TMEM131: variants seen among roughly 807,000 people sequenced by gnomAD.
The protein encoded by TMEM131 is transmembrane protein 131.
In TMEM131, 66 loss-of-function variants were observed where a neutral mutation model predicts 211.6. That is an observed-to-expected ratio of 0.31 (90% CI 0.26 to 0.38). The LOEUF (loss-of-function observed/expected upper bound fraction) is 0.38, where lower values mean the gene tolerates loss of function less well. TMEM131 is among the 10% of genes least tolerant of loss of function. The pLI is 1.00. For missense variants in TMEM131, 2,036 were observed against 2,299.3 expected (o/e 0.89, Z 2.34); for synonymous variants, 844 against 841.3 (o/e 1.00, Z -0.06).
At chr2:97,896,868 T>G in intron 3 of TMEM131, among the ~76,000 whole-genome samples, 1 of 148,174 alleles carries the variant, frequency 6.7e-6, no homozygotes. Flanking sequence ...TATCAATTTC[T>G]AAAAAAAAAA....
chr2:97,963,084 C>T (rs1180414154), intron 1 of TMEM131, among the ~76,000 whole-genome samples: 1 of 152,154 alleles, frequency 6.6e-6, no homozygotes, highest in African/African-American at 2.4e-5. Flanking sequence ...TAAGATGGTG[C>T]CATTTTCACA....
intron 31 of TMEM131, among the ~76,000 whole-genome samples, chr2:97,790,653 G>T (rs1680459735): frequency 6.6e-6 from 1 of 152,352 alleles, no homozygotes; most frequent in East Asian, 1.9e-4. Flanking sequence ...TTTGTGATAA[G>T]AAAGGATAAT....
At chr2:97,968,163 T>C (rs1268234725) in intron 1 of TMEM131, among the ~76,000 whole-genome samples, 3 of 152,108 alleles carry the variant, frequency 2.0e-5, no homozygotes, top group African/African-American at 7.2e-5. Context: ...TCATTATCTT[T>C]CTACACCCAG....
At chr2:97,795,609 G>A (rs1194050074) in intron 28 of TMEM131, among the ~76,000 whole-genome samples, 2 of 151,972 alleles carry the variant, frequency 1.3e-5, no homozygotes, top group African/African-American at 4.8e-5. Context: ...GCATCTTTAG[G>A]TGTCAAACAT....
intron 24 of TMEM131, 39 bp from the exon 25 acceptor site, chr2:97,802,000 C>T: frequency 1.4e-6 from 2 of 1,411,414 alleles, no homozygotes; most frequent in South Asian, 1.2e-5. Context: ...TCATAAGCAA[C>T]ATCACAGTTA....
At chr2:97,766,028 C>A in intron 35 of TMEM131, 86 bp downstream of exon 35, 1 of 1,527,644 alleles carries the variant, frequency 6.5e-7, no homozygotes, top group African/African-American at 1.4e-5. Context: ...TATTTTAAAG[C>A]AACATGCCCC....
At chr2:97,836,033 A>G (rs1682925656) in intron 8 of TMEM131, among the ~76,000 whole-genome samples, 1 of 152,218 alleles carries the variant, frequency 6.6e-6, no homozygotes. Flanking sequence ...TACAGATATA[A>G]TAGTCTGAAT....
intron 3 of TMEM131, among the ~76,000 whole-genome samples, chr2:97,894,413 G>C (rs1302133509): frequency 6.6e-6 from 1 of 152,110 alleles, no homozygotes; most frequent in Non-Finnish European, 1.5e-5. Flanking sequence ...TCAATTCTGT[G>C]AAGAAAAGTC....
chr2:97,768,456 GT>G (rs996021345), intron 33 of TMEM131, among the ~76,000 whole-genome samples: 3 of 149,184 alleles, frequency 2.0e-5, no homozygotes, highest in Non-Finnish European at 4.5e-5. Flanking sequence ...AAAGTAATTG[GT>G]TTTTAAGAAG....
intron 2 of TMEM131, among the ~76,000 whole-genome samples, chr2:97,926,957 A>C (rs372866807): frequency 7.9e-5 from 12 of 152,350 alleles, no homozygotes; most frequent in African/African-American, 2.9e-4. Context: ...AGATATTTAA[A>C]ACATTTGTTC....
At chr2:97,916,012 C>A (rs1308618316) in intron 2 of TMEM131, among the ~76,000 whole-genome samples, 1 of 152,164 alleles carries the variant, frequency 6.6e-6, no homozygotes, top group Admixed American at 6.5e-5. Flanking sequence ...CTCACGAGAT[C>A]AAGCAATTCT....
At position 97,986,093 on chromosome 2, in the gene TMEM131, T is replaced by C. The variant is rs1680015234; in HGVS notation, c.187+9383A>G. Reference sequence around the variant, plus strand: ...AAAATTCAAACATCAATGGGAAAACTGACAAAAGACTGATCAAACACAAAT... The same window carrying C: ...AAAATTCAAACATCAATGGGAAAACCGACAAAAGACTGATCAAACACAAAT... On this transcript the variant is annotated intron_variant, in intron 1 of 40. Coordinates refer to ENST00000186436, the MANE Select transcript of TMEM131 (RefSeq NM_015348.2). 2.0e-5 allele frequency among the ~76,000 whole-genome samples: 3 copies of C among 152,104 alleles called. No homozygotes were observed. In the South Asian group the frequency reaches 6.2e-4, roughly 32 times the overall value.
At chr2:97,936,422 G>A (rs1171935531) in intron 1 of TMEM131, among the ~76,000 whole-genome samples, 1 of 152,180 alleles carries the variant, frequency 6.6e-6, no homozygotes, top group Non-Finnish European at 1.5e-5. Context: ...AAACAGGAGG[G>A]GAAGGCTAAG....
At chr2:97,987,519 A>G (rs1037029212) in intron 1 of TMEM131, among the ~76,000 whole-genome samples, 1 of 152,042 alleles carries the variant, frequency 6.6e-6, no homozygotes, top group African/African-American at 2.4e-5. Context: ...CAAAAAAACA[A>G]AAACAAAAAA....
chr2:97,812,901 G>C (rs1160862102), intron 15 of TMEM131, among the ~76,000 whole-genome samples, 152 bp from the exon 16 acceptor site: 1 of 151,994 alleles, frequency 6.6e-6, no homozygotes, highest in Non-Finnish European at 1.5e-5. Flanking sequence ...CTACTCGGAA[G>C]GCTGAGCTCA....
At position 97,756,949 on chromosome 2, in the gene TMEM131, T is replaced by C. The variant is rs1184339661; in HGVS notation, c.*150A>G. 3.9e-6 allele frequency: 3 copies of C among 777,008 alleles called. No individual in the cohort carries two copies. The African/African-American group carries it at 5.3e-5, about 14-fold the overall frequency. 48.1% of individuals were successfully genotyped at this position (777,008 alleles called of 1,614,324 possible). A position where few individuals can be genotyped will look rare whatever the true frequency, so the allele number is the denominator to read the frequency against. On this transcript the variant is annotated 3_prime_UTR_variant, in exon 41 of 41. Transcript: ENST00000186436. ...GCAAGAAAGATCTGAAAGAAGCGAGTGGTCTGAGCCTGCCCTGCTTGGGTC... is the reference window on the plus strand; with the variant it reads ...GCAAGAAAGATCTGAAAGAAGCGAGCGGTCTGAGCCTGCCCTGCTTGGGTC...
chr2:97,972,991 C>T (rs750054525), intron 1 of TMEM131, among the ~76,000 whole-genome samples: 1 of 152,126 alleles, frequency 6.6e-6, no homozygotes, highest in African/African-American at 2.4e-5. Context: ...GAGTAGGGGC[C>T]TACAAACATC....
At chr2:97,849,241 A>T (rs1683584498) in intron 5 of TMEM131, among the ~76,000 whole-genome samples, 1 of 152,150 alleles carries the variant, frequency 6.6e-6, no homozygotes, top group African/African-American at 2.4e-5. Flanking sequence ...GTTATAAAAA[A>T]CTGTTAAAAT....
intron 2 of TMEM131, 139 bp downstream of exon 2, chr2:97,927,286 TA>T: frequency 1.9e-6 from 1 of 538,492 alleles, no homozygotes; most frequent in Non-Finnish European, 3.0e-6. Context: ...TTTATATTAC[TA>T]AAGACTCTAC....
Sources: allele counts gnomAD v4.1 joint callset (sites outside exome capture counted in the v4.1 genomes callset), GRCh38; gene constraint gnomAD v4.1.1; transcripts MANE v1.5; gene names NCBI Gene and HGNC (gene_info 2026-07-23, HGNC 2026-07-21).